TTC28: variants seen among roughly 807,000 people sequenced by gnomAD.
The protein encoded by TTC28 is tetratricopeptide repeat protein 28.
TTC28 carries 61 observed loss-of-function variants against 198.0 expected under a neutral mutation model. That is an observed-to-expected ratio of 0.31 (90% CI 0.25 to 0.38). The LOEUF is 0.38. TTC28 is among the 10% of genes least tolerant of loss of function. The pLI is 1.00. For synonymous variants in TTC28, 1,171 were observed against 1,297.8 expected (o/e 0.90, Z 2.10); for missense variants, 2,678 against 3,164.0 (o/e 0.85, Z 3.69).
At chr22:28,547,723 C>A in intron 2 of TTC28, among the ~76,000 whole-genome samples, 1 of 150,412 alleles carries the variant, frequency 6.6e-6, no homozygotes, top group East Asian at 1.9e-4. Flanking sequence ...TGATATGATG[C>A]AATATTCTTA....
intron 5 of TTC28, among the ~76,000 whole-genome samples, chr22:28,290,527 C>A (rs1407475302): frequency 6.6e-6 from 1 of 152,022 alleles, no homozygotes; most frequent in Non-Finnish European, 1.5e-5. Context: ...AAAAAATATG[C>A]ACTAATATAA....
At chr22:28,263,004 G>C (rs976343479) in intron 5 of TTC28, among the ~76,000 whole-genome samples, 1 of 152,086 alleles carries the variant, frequency 6.6e-6, no homozygotes, top group African/African-American at 2.4e-5. Context: ...CCAACAAGAG[G>C]AGACCAAGCA....
intron 6 of TTC28, among the ~76,000 whole-genome samples, chr22:28,109,579 C>G (rs538978744): frequency 3.3e-5 from 5 of 152,334 alleles, no homozygotes; most frequent in South Asian, 2.1e-4. Flanking sequence ...CTAAGCTAAA[C>G]TATTGTTTTA....
intron 2 of TTC28, among the ~76,000 whole-genome samples, chr22:28,446,350 T>C (rs981608078): frequency 1.3e-5 from 2 of 152,208 alleles, no homozygotes; most frequent in Non-Finnish European, 2.9e-5. Context: ...CAAGGTATGT[T>C]GGAACCAAAT....
At position 28,532,179 on chromosome 22, in the gene TTC28, AAG is replaced by A. The variant is rs2049155203; in HGVS notation, c.381+97371_381+97372del. ...CACTAGCAAGACTAATAGAGAAGAA[AAG>A]AGAGAAGAATCAAATAGACACAATA... On this transcript the variant is annotated intron_variant, in intron 2 of 22. Coordinates refer to ENST00000397906, the MANE Select transcript of TTC28 (RefSeq NM_001145418.2). Among the ~76,000 whole-genome samples, 4 of 152,168 alleles carry A rather than the reference AAG, an allele frequency of 2.6e-5. No homozygotes were observed. The South Asian group carries it at 8.3e-4, about 32-fold the overall frequency.
intron 5 of TTC28, among the ~76,000 whole-genome samples, chr22:28,196,321 A>T (rs1217508491): frequency 6.6e-6 from 1 of 152,188 alleles, no homozygotes; most frequent in Non-Finnish European, 1.5e-5. Flanking sequence ...GTTAGACCTA[A>T]AACCATAAAA....
chr22:28,510,153 G>C (rs1424824035), intron 2 of TTC28, among the ~76,000 whole-genome samples: 1 of 152,094 alleles, frequency 6.6e-6, no homozygotes, highest in Non-Finnish European at 1.5e-5. Flanking sequence ...AAATTAAAAA[G>C]GAGGGACTCC....
chr22:28,112,406 C>T (rs1942510087), intron 6 of TTC28, among the ~76,000 whole-genome samples: 1 of 152,168 alleles, frequency 6.6e-6, no homozygotes, highest in Non-Finnish European at 1.5e-5. Flanking sequence ...ATCTGATCTC[C>T]AGCCAGCTTC....
chr22:28,389,562 TA>T (rs901911687), intron 2 of TTC28, among the ~76,000 whole-genome samples: 10 of 149,786 alleles, frequency 6.7e-5, no homozygotes, highest in African/African-American at 2.2e-4. Flanking sequence ...CTTCCTGGTT[TA>T]GTCTTGGGAG....
intron 2 of TTC28, among the ~76,000 whole-genome samples, chr22:28,369,535 C>A (rs1330999626): frequency 1.3e-5 from 2 of 152,180 alleles, no homozygotes; most frequent in East Asian, 3.8e-4. Context: ...CTCCTTTCTT[C>A]ATACAATCCA....
chr22:28,292,433 C>G (rs1331241810), intron 5 of TTC28, among the ~76,000 whole-genome samples: 23 of 152,054 alleles, frequency 1.5e-4, no homozygotes, highest in Non-Finnish European at 2.1e-4. Context: ...AGTAATCTGC[C>G]CACCTCGGCC....
At chr22:28,498,206 T>G (rs1000818491) in intron 2 of TTC28, among the ~76,000 whole-genome samples, 15 of 151,304 alleles carry the variant, frequency 9.9e-5, no homozygotes, top group Non-Finnish European at 1.6e-4. Flanking sequence ...GTAATTCTCC[T>G]CACATGAGGA....
At chr22:28,274,718 C>T (rs1410457622) in intron 5 of TTC28, among the ~76,000 whole-genome samples, 4 of 152,238 alleles carry the variant, frequency 2.6e-5, no homozygotes, top group Admixed American at 6.5e-5. Context: ...TGGTGGCTCA[C>T]GCCTGTAATC....
chr22:28,143,744 T>C (rs565976061), intron 6 of TTC28, among the ~76,000 whole-genome samples: 11 of 152,220 alleles, frequency 7.2e-5, no homozygotes, highest in African/African-American at 2.6e-4. Flanking sequence ...CTTTTCAAGA[T>C]CACACAGAAG....
intron 8 of TTC28, 33 bp downstream of exon 8, chr22:28,105,246 G>A: frequency 6.5e-7 from 1 of 1,536,354 alleles, no homozygotes; most frequent in Non-Finnish European, 8.8e-7. Flanking sequence ...ATTTCAAGTA[G>A]GCCAAGAGAA....
At chr22:28,579,906 G>A (rs894956110) in intron 2 of TTC28, among the ~76,000 whole-genome samples, 11 of 152,000 alleles carry the variant, frequency 7.2e-5, no homozygotes, top group African/African-American at 2.2e-4. Context: ...GGAGACAGAA[G>A]TTGCGGTGAG....
intron 5 of TTC28, among the ~76,000 whole-genome samples, chr22:28,169,215 A>T (rs1448437585): frequency 6.6e-6 from 1 of 152,208 alleles, no homozygotes; most frequent in Non-Finnish European, 1.5e-5. Flanking sequence ...ACACTTTTAC[A>T]CTGTTGGTGG....
At chr22:28,447,195 T>G (rs565315558) in intron 2 of TTC28, among the ~76,000 whole-genome samples, 6 of 151,924 alleles carry the variant, frequency 3.9e-5, no homozygotes, top group African/African-American at 1.4e-4. Context: ...ATAACAAAAG[T>G]TTTCAGAAAG....
intron 12 of TTC28, among the ~76,000 whole-genome samples, chr22:28,076,321 G>A (rs1415153070): frequency 1.3e-5 from 2 of 152,058 alleles, no homozygotes; most frequent in African/African-American, 4.8e-5. Context: ...CAGTGCATGG[G>A]GACTGCTTTA....
Sources: allele counts gnomAD v4.1 joint callset (sites outside exome capture counted in the v4.1 genomes callset), GRCh38; gene constraint gnomAD v4.1.1; transcripts MANE v1.5; gene names NCBI Gene and HGNC (gene_info 2026-07-23, HGNC 2026-07-21).